TMEM177: variants seen among roughly 807,000 people sequenced by gnomAD.
TMEM177 encodes the protein transmembrane protein 177.
In TMEM177, 4 loss-of-function variants were observed where a neutral mutation model predicts 14.2. The ratio of observed to expected loss-of-function variants is 0.28; its 90% confidence interval spans 0.14 to 0.64. The LOEUF (loss-of-function observed/expected upper bound fraction) is 0.64. Among genes scored for constraint, TMEM177 ranks in the 30% least tolerant of loss-of-function variants. The pLI is 0.82. For missense variants in TMEM177, 344 were observed against 405.2 expected (o/e 0.85, Z 1.30); for synonymous variants, 179 against 174.5 (o/e 1.03, Z -0.20).
At chr2:119,718,003 G>A in the TMEM177 span, among the ~76,000 whole-genome samples, 5 of 152,162 alleles carry the variant, frequency 3.3e-5, no homozygotes, top group East Asian at 1.9e-4. Flanking sequence ...TCCCTTCTCC[G>A]AGCTGGTTCG....
chr2:119,714,871 A>G, the TMEM177 span, among the ~76,000 whole-genome samples: 2 of 152,248 alleles, frequency 1.3e-5, no homozygotes, highest in Non-Finnish European at 2.9e-5. Context: ...TACAGGCAAC[A>G]GCTGCAATGC....
the TMEM177 span, among the ~76,000 whole-genome samples, chr2:119,717,357 A>G: frequency 1.3e-5 from 2 of 152,046 alleles, no homozygotes; most frequent in African/African-American, 4.8e-5. Flanking sequence ...AAGAAAAAAA[A>G]GAAAAGGAAA....
At chr2:119,707,995 G>T in the TMEM177 span, among the ~76,000 whole-genome samples, 1 of 152,228 alleles carries the variant, frequency 6.6e-6, no homozygotes, top group Non-Finnish European at 1.5e-5. Flanking sequence ...GCCTGCTGTG[G>T]TTTCTGTTTT....
At chr2:119,711,960 T>C in the TMEM177 span, among the ~76,000 whole-genome samples, 2 of 152,080 alleles carry the variant, frequency 1.3e-5, no homozygotes, top group East Asian at 3.9e-4. Flanking sequence ...TCCCAAAAGT[T>C]ATGGGCTGGC....
chr2:119,708,027 C>T, the TMEM177 span, among the ~76,000 whole-genome samples: 1 of 152,248 alleles, frequency 6.6e-6, no homozygotes. Flanking sequence ...ACAGCCCCTG[C>T]TCTCCAGCGA....
rs550216529 is a variant in TMEM177 at position 119,681,316 on chromosome 2, G to A, written c.463G>A (p.Ala155Thr). The A allele has an allele frequency of 1.2e-5, 19 of 1,614,230 alleles. No individual in the cohort carries two copies. The South Asian group carries it at 1.6e-4, about 14-fold the overall frequency. Reference protein sequence around the residue: ...LSREAQKFALAREVVYLESST... With the variant: ...LSREAQKFALTREVVYLESST... The stretch of plus-strand genomic sequence containing the variant: ...CCGTGAAGCCCAGAAGTTCGCCTTG[G>A]CCAGGGAAGTGGTGTACCTGGAAAG... The change falls in exon 2 of 2, where the codon GCC (alanine) becomes ACC (threonine). Residue 155 changes from alanine to threonine, a missense_variant. Physicochemically the swap from Ala to Thr is moderately conservative, Grantham distance 58. Transcript: ENST00000272521.
chr2:119,682,766 G>A (rs972927585), downstream of TMEM177, among the ~76,000 whole-genome samples: 6 of 152,236 alleles, frequency 3.9e-5, no homozygotes, highest in Non-Finnish European at 8.8e-5. Flanking sequence ...CAGGCACAGC[G>A]TGGCCAGGGC....
At chr2:119,683,766 G>A (rs949211061), downstream of TMEM177, among the ~76,000 whole-genome samples, 2 of 152,174 alleles carry the variant, frequency 1.3e-5, no homozygotes, top group South Asian at 2.1e-4. Flanking sequence ...GTGTATGTGT[G>A]TGCGTGTGTG....
At chr2:119,688,885 G>A (rs114381675), downstream of TMEM177, among the ~76,000 whole-genome samples, 2,933 of 152,276 alleles carry the variant, frequency 0.019, 33 homozygotes, top group African/African-American at 0.022. Flanking sequence ...GTTTCTCTCC[G>A]TCCACCCATG....
the TMEM177 span, among the ~76,000 whole-genome samples, chr2:119,715,685 A>G: frequency 6.6e-6 from 1 of 152,210 alleles, no homozygotes; most frequent in South Asian, 2.1e-4. Context: ...CGGTGCCCTG[A>G]GAAGGACCAG....
chr2:119,708,682 C>G, the TMEM177 span, among the ~76,000 whole-genome samples: 1 of 151,256 alleles, frequency 6.6e-6, no homozygotes, highest in Admixed American at 6.6e-5. Flanking sequence ...CACATACACA[C>G]ACACACAGTC....
At chr2:119,717,605 CTTTTTT>C in the TMEM177 span, among the ~76,000 whole-genome samples, 1 of 88,446 alleles carries the variant, frequency 1.1e-5, no homozygotes, top group Non-Finnish European at 2.1e-5. Context: ...TGACTTGAGT[CTTTTTT>C]TTTTTTTTTT....
chr2:119,718,195 T>C, the TMEM177 span, among the ~76,000 whole-genome samples: 53 of 152,202 alleles, frequency 3.5e-4, 1 homozygote, highest in Admixed American at 1.3e-4. Context: ...TCAGTTTATG[T>C]TCCTTCTGGC....
At chr2:119,684,186 C>G (rs1379439441), downstream of TMEM177, among the ~76,000 whole-genome samples, 1 of 152,190 alleles carries the variant, frequency 6.6e-6, no homozygotes, top group African/African-American at 2.4e-5. Flanking sequence ...AGTTTGGTTC[C>G]TGAACTGCTC....
chr2:119,703,607 T>C, the TMEM177 span, among the ~76,000 whole-genome samples: 1 of 152,316 alleles, frequency 6.6e-6, no homozygotes, highest in South Asian at 2.1e-4. Flanking sequence ...TTTTTCTCCA[T>C]TCGTTCTTCC....
chr2:119,692,963 T>C, the TMEM177 span, among the ~76,000 whole-genome samples: 28 of 98,360 alleles, frequency 2.8e-4, no homozygotes, highest in African/African-American at 1.2e-3. Flanking sequence ...CAAAGCGAGA[T>C]TGTCTCAAAA....
chr2:119,685,865 T>C (rs1366833966), downstream of TMEM177: 1 of 600,628 alleles, frequency 1.7e-6, no homozygotes, highest in East Asian at 2.8e-5. Flanking sequence ...GGGTTAGAAG[T>C]AACTTTTTCA....
chr2:119,680,837 C>T lies in TMEM177; in HGVS notation c.-17C>T, dbSNP rs777190872. On this transcript the variant is annotated 5_prime_UTR_variant, in exon 2 of 2. Transcript: ENST00000272521. The stretch of plus-strand genomic sequence containing the variant: ...TTCTCTTTTTCTTGGCCCAGATTGT[C>T]CGCAGTGACTACACTCATGGCAGGT... 6.2e-7 allele frequency: 1 copy of T among 1,602,396 alleles called. No homozygotes were observed. The highest frequency in any genetic ancestry group is 8.5e-7 in the Non-Finnish European group (1 of 1,172,006).
the TMEM177 span, among the ~76,000 whole-genome samples, chr2:119,717,220 T>G: frequency 6.6e-6 from 1 of 151,890 alleles, no homozygotes. Flanking sequence ...GGGCCCCTTG[T>G]GTAAACTAAT....
Sources: allele counts gnomAD v4.1 joint callset (sites outside exome capture counted in the v4.1 genomes callset), GRCh38; gene constraint gnomAD v4.1.1; transcripts MANE v1.5; gene names NCBI Gene and HGNC (gene_info 2026-07-23, HGNC 2026-07-21).